SGCZ: variants seen among roughly 807,000 people sequenced by gnomAD.
SGCZ encodes sarcoglycan zeta.
In SGCZ, 40 loss-of-function variants were observed where a neutral mutation model predicts 41.3. The observed-to-expected ratio is 0.97, with a 90% confidence interval of 0.75 to 1.26. The LOEUF (loss-of-function observed/expected upper bound fraction) is 1.26, where lower values mean the gene tolerates loss of function less well. SGCZ is among the 50% of genes most tolerant of loss of function. The pLI is 0.00. For missense variants in SGCZ, 552 were observed against 369.8 expected, an observed-to-expected ratio of 1.49 and a Z score of -4.04; for synonymous variants, 206 against 137.5, an observed-to-expected ratio of 1.50 and a Z score of -3.49.
chr8:14,861,977 T>TA, intron 1 of SGCZ, among the ~76,000 whole-genome samples: 1 of 152,058 alleles, frequency 6.6e-6, no homozygotes, highest in East Asian at 1.9e-4. Flanking sequence ...AAAGGCACAT[T>TA]AAGAAGAAAA....
chr8:15,135,480 C>T (rs1414035047), intron 1 of SGCZ, among the ~76,000 whole-genome samples: 6 of 152,160 alleles, frequency 3.9e-5, no homozygotes, highest in African/African-American at 7.2e-5. Flanking sequence ...CAAAAAGACT[C>T]GGCATCTCAT....
intron 2 of SGCZ, among the ~76,000 whole-genome samples, chr8:14,443,339 G>C (rs1454194989): frequency 1.3e-5 from 2 of 152,070 alleles, no homozygotes; most frequent in African/African-American, 4.8e-5. Context: ...CCAAAAAAGA[G>C]CCCGCATCGC....
chr8:15,074,160 C>T (rs1417970366), intron 1 of SGCZ, among the ~76,000 whole-genome samples: 1 of 152,170 alleles, frequency 6.6e-6, no homozygotes, highest in East Asian at 1.9e-4. Context: ...CTGTGACCAT[C>T]AGCCACTTGC....
chr8:14,744,280 A>T (rs1799281195), intron 1 of SGCZ, among the ~76,000 whole-genome samples: 1 of 152,116 alleles, frequency 6.6e-6, no homozygotes, highest in South Asian at 2.1e-4. Context: ...GCTTTCATTG[A>T]AAACGCCAAA....
At chr8:14,648,347 A>G (rs1315020949) in intron 1 of SGCZ, among the ~76,000 whole-genome samples, 1 of 152,108 alleles carries the variant, frequency 6.6e-6, no homozygotes, top group East Asian at 1.9e-4. Context: ...CTTTCTTCAA[A>G]TCAAGAAAAT....
At chr8:15,030,531 G>C (rs551738712) in intron 1 of SGCZ, among the ~76,000 whole-genome samples, 63 of 152,140 alleles carry the variant, frequency 4.1e-4, no homozygotes, top group Non-Finnish European at 8.1e-4. Context: ...TAGAGGATGT[G>C]GAAGAAACCA....
At chr8:14,413,388 T>C (rs1447116262) in intron 2 of SGCZ, among the ~76,000 whole-genome samples, 2 of 151,972 alleles carry the variant, frequency 1.3e-5, no homozygotes, top group East Asian at 1.9e-4. Flanking sequence ...GCCCAATAAG[T>C]TCAATTTTTT....
At chr8:14,358,009 G>C (rs904311141) in intron 2 of SGCZ, among the ~76,000 whole-genome samples, 1 of 152,134 alleles carries the variant, frequency 6.6e-6, no homozygotes, top group African/African-American at 2.4e-5. Flanking sequence ...CATATTAGCA[G>C]TCCCTAAATT....
At chr8:14,793,588 T>A (rs570355019) in intron 1 of SGCZ, among the ~76,000 whole-genome samples, 2 of 152,238 alleles carry the variant, frequency 1.3e-5, no homozygotes, top group East Asian at 3.9e-4. Context: ...AGCTGAGGAA[T>A]AACCCAATGC....
chr8:15,146,104 G>A (rs1228815760), intron 1 of SGCZ, among the ~76,000 whole-genome samples: 1 of 151,376 alleles, frequency 6.6e-6, no homozygotes, highest in African/African-American at 2.4e-5. Flanking sequence ...ATAAATCTGA[G>A]CAATTTGAAA....
rs545610156 is a variant in SGCZ, at chr8:15,022,818, C to T, written c.39+214767G>A. Among the ~76,000 whole-genome samples the T allele has an allele frequency of 2.0e-5, 3 of 152,260 alleles. No individual in the cohort carries two copies. The East Asian group carries it at 5.8e-4, about 29-fold the overall frequency. ...TAATTTTATGTGTTATTTTACTTGA[C>T]ATTCAAATAGTCTTGTGCAAGAATT... On this transcript the variant is annotated intron_variant, in intron 1 of 7. Transcript: ENST00000382080.
At chr8:14,183,488 A>C (rs1228041151) in intron 4 of SGCZ, among the ~76,000 whole-genome samples, 1 of 152,188 alleles carries the variant, frequency 6.6e-6, no homozygotes, top group East Asian at 1.9e-4. Context: ...ATAAAATAAA[A>C]ATCCTATGCA....
At position 14,090,495 on chromosome 8, in the gene SGCZ, G is replaced by C; in HGVS notation, c.887C>G (p.Ala296Gly). The C allele has an allele frequency of 1.2e-6, 2 of 1,613,042 alleles. No individual in the cohort carries two copies. The highest frequency in any genetic ancestry group is 1.1e-5 in the South Asian group (1 of 91,044). Residue 296 changes from alanine (A) to glycine (G), a missense_variant, in exon 8 of 8, where the codon GCA becomes GGA. By Grantham distance (60) the Ala-to-Gly change is moderately conservative (BLOSUM62 0). Transcript: ENST00000382080. ...GGACTGACAAGTGGAACCTACTCCT[G>C]CTGGAGAAAGGTAAAGTTTGCCATT... ...CPNGKLYLSP[A>G]GVGSTCQSSS... is the part of the protein sequence containing the mutation.
At chr8:15,139,147 C>A (rs1295809317) in intron 1 of SGCZ, among the ~76,000 whole-genome samples, 2 of 152,150 alleles carry the variant, frequency 1.3e-5, no homozygotes, top group Admixed American at 6.5e-5. Context: ...TGGCTGTTCT[C>A]CAGTTCCTGC....
chr8:14,128,476 A>G (rs921091883), intron 5 of SGCZ, among the ~76,000 whole-genome samples: 11 of 152,214 alleles, frequency 7.2e-5, no homozygotes, highest in Non-Finnish European at 1.3e-4. Context: ...TACAACCTCT[A>G]TGGAAAACAG....
At chr8:14,886,349 C>T (rs1470444165) in intron 1 of SGCZ, among the ~76,000 whole-genome samples, 4 of 151,824 alleles carry the variant, frequency 2.6e-5, no homozygotes, top group African/African-American at 9.7e-5. Context: ...AAAATATAAA[C>T]ATGATAAAAT....
chr8:14,387,802 GT>G (rs2117208759), intron 2 of SGCZ, among the ~76,000 whole-genome samples: 1 of 152,102 alleles, frequency 6.6e-6, no homozygotes, highest in African/African-American at 2.4e-5. Flanking sequence ...GTTACAATGA[GT>G]TTTAGTCTTC....
chr8:14,708,916 T>C (rs1809418202), intron 1 of SGCZ, among the ~76,000 whole-genome samples: 1 of 151,868 alleles, frequency 6.6e-6, no homozygotes, highest in Non-Finnish European at 1.5e-5. Context: ...TTAAAACTGC[T>C]TACATGAGAA....
In SGCZ at chr8:14,595,373, C is replaced by CAT. The variant is rs1191563326; in HGVS notation, c.40-40449_40-40448dup. On this transcript the variant is annotated intron_variant, in intron 1 of 7. Transcript: ENST00000382080. ...ATCTGTGTCTTTGTGTTTGTACTCA[C>CAT]ATATATATAAATGCCTAACATGCAC... 2.7e-5 allele frequency among the ~76,000 whole-genome samples: 4 copies of CAT among 149,598 alleles called. No homozygotes were observed. In the East Asian group the frequency reaches 7.9e-4, roughly 29 times the overall value.
Sources: allele counts gnomAD v4.1 joint callset (sites outside exome capture counted in the v4.1 genomes callset), GRCh38; gene constraint gnomAD v4.1.1; transcripts MANE v1.5; gene names NCBI Gene and HGNC (gene_info 2026-07-23, HGNC 2026-07-21).